GPC6: variants seen among roughly 807,000 people sequenced by gnomAD.
The protein encoded by GPC6 is glypican-6.
GPC6 carries 14 observed loss-of-function variants against 55.2 expected under a neutral mutation model. The ratio of observed to expected loss-of-function variants is 0.25; its 90% CI spans 0.17 to 0.40. The LOEUF (loss-of-function observed/expected upper bound fraction) is 0.40. Ranked by LOEUF, GPC6 falls within the 10% of genes least tolerant of loss-of-function variation. The pLI, the probability that GPC6 is intolerant of heterozygous loss-of-function variation, is 1.00. For missense variants in GPC6, 641 were observed against 708.5 expected (o/e 0.90, Z 1.08); for synonymous variants, 278 against 259.6 (o/e 1.07, Z -0.68).
At chr13:94,363,098 T>C (rs1211357098) in intron 6 of GPC6, among the ~76,000 whole-genome samples, 3 of 152,142 alleles carry the variant, frequency 2.0e-5, no homozygotes, top group African/African-American at 7.2e-5. Flanking sequence ...TGTCCATGTG[T>C]TCTCGTTAGA....
chr13:93,351,834 T>C (rs1359133317), intron 1 of GPC6, among the ~76,000 whole-genome samples: 1 of 152,152 alleles, frequency 6.6e-6, no homozygotes, highest in African/African-American at 2.4e-5. Flanking sequence ...GTCTTCACTT[T>C]TCTGAGTAAC....
intron 1 of GPC6, among the ~76,000 whole-genome samples, chr13:93,399,818 G>A (rs987891665): frequency 6.6e-6 from 1 of 152,138 alleles, no homozygotes; most frequent in Non-Finnish European, 1.5e-5. Context: ...CTGCCTAAAT[G>A]CCTTTGTCCA....
At chr13:93,986,020 T>A (rs949393376) in intron 3 of GPC6, among the ~76,000 whole-genome samples, 3 of 152,120 alleles carry the variant, frequency 2.0e-5, no homozygotes, top group Non-Finnish European at 2.9e-5. Context: ...ATAATAATAA[T>A]ATTTTTTGTT....
intron 3 of GPC6, among the ~76,000 whole-genome samples, chr13:93,958,561 G>GT (rs913733258): frequency 6.6e-6 from 1 of 152,036 alleles, no homozygotes; most frequent in Non-Finnish European, 1.5e-5. Flanking sequence ...CTATATGTCT[G>GT]TTTTTACCAG....
intron 2 of GPC6, among the ~76,000 whole-genome samples, chr13:93,673,160 AG>A (rs1284126218): frequency 5.3e-5 from 8 of 152,212 alleles, no homozygotes; most frequent in African/African-American, 1.9e-4. Flanking sequence ...ACAGGCAAGA[AG>A]GAGGAGGCAG....
At chr13:93,951,214 A>G (rs1879238802) in intron 3 of GPC6, among the ~76,000 whole-genome samples, 1 of 152,104 alleles carries the variant, frequency 6.6e-6, no homozygotes, top group Non-Finnish European at 1.5e-5. Context: ...TTTCATCTCC[A>G]GTAAAAGGTG....
At chr13:93,597,234 T>G (rs569751208) in intron 2 of GPC6, among the ~76,000 whole-genome samples, 1 of 152,196 alleles carries the variant, frequency 6.6e-6, no homozygotes, top group East Asian at 1.9e-4. Context: ...ATCAAAGGCA[T>G]AGGCACACTA....
At chr13:93,263,582 C>T (rs754124185) in intron 1 of GPC6, among the ~76,000 whole-genome samples, 1 of 152,072 alleles carries the variant, frequency 6.6e-6, no homozygotes, top group Non-Finnish European at 1.5e-5. Flanking sequence ...GCAGGCTGAT[C>T]TCGAACTCCT....
At chr13:93,851,485 T>C (rs1888394804) in intron 3 of GPC6, among the ~76,000 whole-genome samples, 1 of 151,836 alleles carries the variant, frequency 6.6e-6, no homozygotes. Context: ...TGAAAAGTGA[T>C]CACAAATGAA....
the GPC6 span, among the ~76,000 whole-genome samples, chr13:93,221,469 TGCTGCCCCATGG>T: frequency 6.6e-6 from 1 of 152,182 alleles, no homozygotes; most frequent in Admixed American, 6.5e-5. Context: ...AAGAAGAATC[TGCTGCCCCATGG>T]TGTTTGGTTT....
intron 1 of GPC6, among the ~76,000 whole-genome samples, chr13:93,279,663 T>C (rs886822642): frequency 6.6e-6 from 1 of 152,182 alleles, no homozygotes; most frequent in Non-Finnish European, 1.5e-5. Context: ...GTTTATACAT[T>C]TCATGGCGAG....
chr13:93,578,380 T>C (rs912566025), intron 2 of GPC6, among the ~76,000 whole-genome samples: 3 of 152,050 alleles, frequency 2.0e-5, no homozygotes, highest in Non-Finnish European at 4.4e-5. Context: ...TTGTTATTTA[T>C]TATTAGTTTG....
chr13:93,530,704 TTAAAA>T (rs1484326401), intron 1 of GPC6, among the ~76,000 whole-genome samples: 3 of 152,182 alleles, frequency 2.0e-5, no homozygotes, highest in African/African-American at 4.8e-5. Context: ...TTAAATTATG[TTAAAA>T]TAAAAATGGT....
chr13:93,936,453 G>A (rs1338707868), intron 3 of GPC6, among the ~76,000 whole-genome samples: 3 of 152,004 alleles, frequency 2.0e-5, no homozygotes, highest in Non-Finnish European at 4.4e-5. Context: ...ATATACATAT[G>A]TGTATATATT....
At chr13:94,263,388 C>A (rs985293239) in intron 4 of GPC6, among the ~76,000 whole-genome samples, 13 of 152,182 alleles carry the variant, frequency 8.5e-5, no homozygotes, top group African/African-American at 2.9e-4. Context: ...TTTAGAATGA[C>A]CTTTGCCCTT....
At chr13:93,967,904 T>G (rs1198305339) in intron 3 of GPC6, among the ~76,000 whole-genome samples, 1 of 152,126 alleles carries the variant, frequency 6.6e-6, no homozygotes, top group East Asian at 1.9e-4. Flanking sequence ...TGTTGGCAAA[T>G]TGGACTGAAT....
Position 94,363,594 on chromosome 13 carries a change from C to T in GPC6, c.1153-18820C>T, listed in dbSNP as rs565180580. Among the ~76,000 whole-genome samples, 10 of 152,292 alleles carry T rather than the reference C, an allele frequency of 6.6e-5. No homozygotes were observed. The South Asian group carries it at 2.1e-3, about 32-fold the overall frequency. ...CTTTAGTTCATTCAGACAACAACCC[C>T]TAGCCTAGGAACCATGCTCAACCCC... is the stretch of plus-strand genomic sequence containing the variant. On this transcript the variant is annotated intron_variant, in intron 6 of 8. Transcript: ENST00000377047.
At chr13:93,247,633 A>G (rs975328392) in intron 1 of GPC6, among the ~76,000 whole-genome samples, 4 of 152,216 alleles carry the variant, frequency 2.6e-5, no homozygotes, top group African/African-American at 9.6e-5. Flanking sequence ...AATAAAGAAT[A>G]TATTCATTTC....
intron 3 of GPC6, among the ~76,000 whole-genome samples, chr13:93,913,026 C>T (rs1413046371): frequency 6.6e-6 from 1 of 152,206 alleles, no homozygotes; most frequent in African/African-American, 2.4e-5. Context: ...AGAGCCCACA[C>T]TATTTCAATA....
Sources: gnomAD v4.1 joint callset for allele counts (sites outside exome capture counted in the v4.1 genomes callset) on GRCh38, gnomAD v4.1.1 for gene constraint, MANE v1.5 for transcripts, NCBI Gene and HGNC (gene_info 2026-07-23, HGNC 2026-07-21) for gene names.